Variants in PDE1A observed in about 807,000 individuals in gnomAD.
The protein encoded by PDE1A is phosphodiesterase 1A, also known as dual specificity calcium/calmodulin-dependent 3',5'-cyclic nucleotide phosphodiesterase 1A.
A neutral mutation model predicts 61.7 loss-of-function variants in PDE1A; 35 were observed. That is an observed-to-expected ratio of 0.57 (90% CI 0.43 to 0.75). The LOEUF (loss-of-function observed/expected upper bound fraction) is 0.75. Ranked by LOEUF, PDE1A falls within the 30% of genes least tolerant of loss-of-function variation. PDE1A has a pLI of 0.00. For synonymous variants in PDE1A, 232 were observed against 213.2 expected, an observed-to-expected ratio of 1.09 and a Z score of -0.77; for missense variants, 597 against 630.6, an observed-to-expected ratio of 0.95 and a Z score of 0.57.
the PDE1A span, among the ~76,000 whole-genome samples, chr2:182,666,691 T>C: frequency 1.3e-5 from 2 of 152,058 alleles, no homozygotes; most frequent in Non-Finnish European, 1.5e-5. Flanking sequence ...ATTTTGCCAA[T>C]TGCCAAGTAT....
chr2:182,347,496 C>A (rs1181135372), intron 1 of PDE1A, among the ~76,000 whole-genome samples: 1 of 152,114 alleles, frequency 6.6e-6, no homozygotes, highest in Non-Finnish European at 1.5e-5. Context: ...TTCCCTCCCT[C>A]GTAATCTCCT....
intron 13 of PDE1A, among the ~76,000 whole-genome samples, chr2:182,147,736 TAGATG>T (rs1470437454): frequency 6.6e-6 from 1 of 152,196 alleles, no homozygotes; most frequent in Non-Finnish European, 1.5e-5. Context: ...GCAGAATGTT[TAGATG>T]AAAGAGTCTT....
chr2:182,595,633 T>C, the PDE1A span, among the ~76,000 whole-genome samples: 2 of 152,232 alleles, frequency 1.3e-5, no homozygotes, highest in South Asian at 2.1e-4. Context: ...CATAAGGCTG[T>C]CTCTTTCTCC....
the PDE1A span, among the ~76,000 whole-genome samples, chr2:182,658,314 G>A: frequency 6.6e-6 from 1 of 152,114 alleles, no homozygotes; most frequent in South Asian, 2.1e-4. Flanking sequence ...TCCTTGCCTT[G>A]CAATTGTAAC....
chr2:182,170,683 T>C (rs1574549819), intron 13 of PDE1A, among the ~76,000 whole-genome samples: 1 of 152,162 alleles, frequency 6.6e-6, no homozygotes, highest in South Asian at 2.1e-4. Flanking sequence ...TGGATTTAGA[T>C]ATGATAATAT....
At chr2:182,521,075 C>T (rs1281522707) in intron 2 of PDE1A, among the ~76,000 whole-genome samples, 1 of 151,966 alleles carries the variant, frequency 6.6e-6, no homozygotes, top group Non-Finnish European at 1.5e-5. Flanking sequence ...TACACTAATG[C>T]ACTGTAAAGC....
chr2:182,510,564 A>G (rs1182432187), intron 2 of PDE1A, among the ~76,000 whole-genome samples: 1 of 152,238 alleles, frequency 6.6e-6, no homozygotes, highest in East Asian at 1.9e-4. Flanking sequence ...GGGGATGGAC[A>G]TGGGACATGA....
At chr2:182,350,030 G>A (rs2577653) in intron 1 of PDE1A, among the ~76,000 whole-genome samples, 150,929 of 152,290 alleles carry the variant, frequency 0.99, 74,805 homozygotes, top group Middle Eastern at 1. Context: ...TCAGGACACT[G>A]AAAGTTCCAT....
chr2:182,196,423 T>G (rs932560155), intron 10 of PDE1A, among the ~76,000 whole-genome samples: 3 of 151,912 alleles, frequency 2.0e-5, no homozygotes, highest in Admixed American at 6.6e-5. Flanking sequence ...TTTAGTTTTG[T>G]TTTTTCCCAC....
chr2:182,521,040 T>C (rs981175648), intron 2 of PDE1A, among the ~76,000 whole-genome samples: 11 of 152,152 alleles, frequency 7.2e-5, no homozygotes, highest in Admixed American at 2.0e-4. Context: ...TTCTCTGCTA[T>C]ATGTTCTTTG....
At chr2:182,301,086 G>A (rs1206253795) in intron 1 of PDE1A, among the ~76,000 whole-genome samples, 1 of 152,158 alleles carries the variant, frequency 6.6e-6, no homozygotes, top group East Asian at 1.9e-4. Context: ...CAAGGACTTG[G>A]AAAATGGGAG....
intron 2 of PDE1A, among the ~76,000 whole-genome samples, chr2:182,507,889 C>A (rs1689513726): frequency 6.6e-6 from 1 of 151,170 alleles, no homozygotes. Flanking sequence ...TCTCTAAGTG[C>A]AATCTAAGAA....
intron 13 of PDE1A, among the ~76,000 whole-genome samples, chr2:182,173,432 T>C (rs2125334045): frequency 6.6e-6 from 1 of 152,130 alleles, no homozygotes; most frequent in African/African-American, 2.4e-5. Flanking sequence ...TCTTACCTTC[T>C]GAAAGTTCCA....
chr2:182,469,194 T>C (rs6725460), intron 2 of PDE1A, among the ~76,000 whole-genome samples: 10,648 of 151,970 alleles, frequency 0.07, 1,209 homozygotes, highest in African/African-American at 0.24. Flanking sequence ...ATGAAAGTCC[T>C]AGATGGCATC....
At chr2:182,533,590 T>G in the PDE1A span, among the ~76,000 whole-genome samples, 1 of 152,076 alleles carries the variant, frequency 6.6e-6, no homozygotes, top group Non-Finnish European at 1.5e-5. Context: ...ATATAGAGAC[T>G]TGAAGTTGAA....
intron 1 of PDE1A, among the ~76,000 whole-genome samples, chr2:182,411,997 G>A (rs1452782013): frequency 6.6e-6 from 1 of 151,012 alleles, no homozygotes; most frequent in East Asian, 2.0e-4. Flanking sequence ...GGCAGAGATT[G>A]CAGTGAGCCA....
chr2:182,196,255 G>A (rs1298345015), intron 10 of PDE1A, among the ~76,000 whole-genome samples: 1 of 152,062 alleles, frequency 6.6e-6, no homozygotes, highest in African/African-American at 2.4e-5. Context: ...AGAAATTGGT[G>A]AACTTTCAAC....
At chr2:182,351,449 C>A (rs1416941918) in intron 1 of PDE1A, among the ~76,000 whole-genome samples, 1 of 152,114 alleles carries the variant, frequency 6.6e-6, no homozygotes, top group Non-Finnish European at 1.5e-5. Flanking sequence ...ACACATTTTG[C>A]AGCTATCTTT....
chr2:182,528,313 TAGCA>T, the PDE1A span, among the ~76,000 whole-genome samples: 15 of 152,202 alleles, frequency 9.9e-5, no homozygotes, highest in Non-Finnish European at 2.2e-4. Flanking sequence ...TGCTATGTTT[TAGCA>T]AAGAGACTGG....
Sources: gnomAD v4.1 joint callset for allele counts (sites outside exome capture counted in the v4.1 genomes callset) on GRCh38, gnomAD v4.1.1 for gene constraint, MANE v1.5 for transcripts, NCBI Gene and HGNC (gene_info 2026-07-23, HGNC 2026-07-21) for gene names.